DOCK1: variants seen among roughly 807,000 people sequenced by gnomAD.
DOCK1 encodes the protein dedicator of cytokinesis protein 1.
A neutral mutation model predicts 262.7 loss-of-function variants in DOCK1; 138 were observed. The ratio of observed to expected loss-of-function variants is 0.53; its 90% confidence interval spans 0.46 to 0.61. The LOEUF is 0.61. Ranked by LOEUF, DOCK1 falls within the 20% of genes least tolerant of loss-of-function variation. The pLI is 0.00. For synonymous variants in DOCK1, 866 were observed against 867.4 expected (o/e 1.00, Z 0.03); for missense variants, 1,908 against 2,370.7 (o/e 0.80, Z 4.05).
At chr10:127,033,902 T>G (rs1162288580) in intron 18 of DOCK1, among the ~76,000 whole-genome samples, 1 of 152,134 alleles carries the variant, frequency 6.6e-6, no homozygotes, top group East Asian at 1.9e-4. Flanking sequence ...AACTGCTTGG[T>G]GTGGGAGCAG....
At chr10:127,429,094 T>G (rs2069103304) in intron 47 of DOCK1, among the ~76,000 whole-genome samples, 1 of 151,704 alleles carries the variant, frequency 6.6e-6, no homozygotes, top group South Asian at 2.1e-4. Flanking sequence ...TGGGGTGCCG[T>G]GTGGATTGGG....
intron 27 of DOCK1, among the ~76,000 whole-genome samples, chr10:127,189,739 G>A (rs376670830): frequency 4.6e-5 from 7 of 152,152 alleles, no homozygotes; most frequent in East Asian, 3.9e-4. Flanking sequence ...CACACAGTAC[G>A]TTTGCACATG....
intron 22 of DOCK1, among the ~76,000 whole-genome samples, chr10:127,058,287 TATCTTTCCTGTTG>T (rs2045301554): frequency 6.6e-6 from 1 of 152,082 alleles, no homozygotes; most frequent in Non-Finnish European, 1.5e-5. Context: ...ATAATCATGA[TATCTTTCCTGTTG>T]GTCTATTCCT....
At chr10:126,976,291 T>C (rs1332633508) in intron 2 of DOCK1, among the ~76,000 whole-genome samples, 1 of 152,220 alleles carries the variant, frequency 6.6e-6, no homozygotes, top group African/African-American at 2.4e-5. Flanking sequence ...ATTTTGTATC[T>C]GAGGTTCCCC....
Position 127,433,370 on chromosome 10 carries a change from G to A in DOCK1, c.5002G>A (p.Val1668Met). The change falls in exon 48 of 52, where the codon GTG becomes ATG. Residue 1668 changes from valine (V) to methionine (M), a missense_variant. Around this residue, in one of 9 missense-constraint regions of DOCK1, gnomAD observed 383 missense variants for 420.1 expected, o/e 0.91. Coordinates refer to ENST00000623213, the MANE Select transcript of DOCK1 (RefSeq NM_001290223.2). ...TMPSSSRPLS[V>M]ASVSSLSSDS... ...GCCTTCCTCATCCCGCCCTCTGTCT[G>A]TGGCCTCTGTCTCTTCCCTCTCATC... The A allele has an allele frequency of 6.2e-7, 1 of 1,613,988 alleles. No homozygotes were observed. The highest frequency in any genetic ancestry group is 8.5e-7 in the Non-Finnish European group (1 of 1,179,902).
chr10:127,407,187 G>C (rs2067566312), intron 40 of DOCK1, among the ~76,000 whole-genome samples: 1 of 152,148 alleles, frequency 6.6e-6, no homozygotes, highest in African/African-American at 2.4e-5. Flanking sequence ...GAAGGGGACT[G>C]TCTTAGTCCA....
chr10:127,254,919 T>C (rs2059777941), intron 28 of DOCK1, among the ~76,000 whole-genome samples: 1 of 152,180 alleles, frequency 6.6e-6, no homozygotes. Flanking sequence ...AGGATGGACC[T>C]AAGTTGATGG....
chr10:127,236,512 T>TA (rs1387685317), intron 27 of DOCK1, among the ~76,000 whole-genome samples: 1 of 145,048 alleles, frequency 6.9e-6, no homozygotes, highest in Non-Finnish European at 1.5e-5. Flanking sequence ...TTTTTTTTTT[T>TA]TTTTTTTTTT....
chr10:127,097,159 T>G (rs552790227), intron 23 of DOCK1, among the ~76,000 whole-genome samples: 1 of 152,306 alleles, frequency 6.6e-6, no homozygotes, highest in Admixed American at 6.5e-5. Context: ...ATTTCAGCAA[T>G]TAGAAAACTT....
chr10:127,394,353 A>G (rs1401824695), intron 38 of DOCK1, among the ~76,000 whole-genome samples: 4 of 19,474 alleles, frequency 2.1e-4, no homozygotes, highest in East Asian at 8.0e-4. Flanking sequence ...GCACCAATGT[A>G]AAAAAAAAAA....
intron 29 of DOCK1, among the ~76,000 whole-genome samples, chr10:127,261,456 CGTGT>C (rs150701291): frequency 7.0e-5 from 6 of 85,410 alleles, no homozygotes; most frequent in African/African-American, 2.6e-4. Flanking sequence ...CATGTGTGTG[CGTGT>C]GTGTGTGCCT....
intron 29 of DOCK1, among the ~76,000 whole-genome samples, chr10:127,307,719 T>C (rs538467699): frequency 6.6e-6 from 1 of 152,282 alleles, no homozygotes; most frequent in Non-Finnish European, 1.5e-5. Context: ...CCAACCCCAC[T>C]CTGAGTTCAG....
intron 51 of DOCK1, among the ~76,000 whole-genome samples, chr10:127,448,800 T>TG (rs998755636): frequency 2.7e-5 from 1 of 37,148 alleles, no homozygotes; most frequent in African/African-American, 1.1e-4. Flanking sequence ...TGGTGAGACA[T>TG]GGTTTTTTTT....
At chr10:127,241,587 A>G (rs1415410495) in intron 27 of DOCK1, among the ~76,000 whole-genome samples, 1 of 152,026 alleles carries the variant, frequency 6.6e-6, no homozygotes, top group Non-Finnish European at 1.5e-5. Context: ...CATGCTTAGT[A>G]TTAGTGCTTA....
chr10:127,057,894 A>G (rs1245081895), intron 22 of DOCK1, among the ~76,000 whole-genome samples: 1 of 152,234 alleles, frequency 6.6e-6, no homozygotes, highest in African/African-American at 2.4e-5. Flanking sequence ...AGATCCTGTC[A>G]TTCCTTGTTA....
chr10:127,385,039 T>C (rs1173049983), intron 38 of DOCK1, 130 bp downstream of exon 38: 8 of 1,172,436 alleles, frequency 6.8e-6, no homozygotes, highest in Non-Finnish European at 9.0e-6. Flanking sequence ...ATTGAAATGT[T>C]TTATGCATGT....
chr10:127,275,669 C>T (rs987503652), intron 29 of DOCK1, among the ~76,000 whole-genome samples: 16 of 152,030 alleles, frequency 1.1e-4, no homozygotes, highest in Non-Finnish European at 2.1e-4. Context: ...AGGGATGGTA[C>T]AGGAGGGGCT....
At chr10:126,963,502 C>G (rs2037383584) in intron 1 of DOCK1, among the ~76,000 whole-genome samples, 1 of 151,770 alleles carries the variant, frequency 6.6e-6, no homozygotes, top group South Asian at 2.1e-4. Flanking sequence ...CCATTATAAC[C>G]AGGCTCTAAG....
chr10:127,344,057 T>A (rs746263143), intron 31 of DOCK1: 7 of 259,528 alleles, frequency 2.7e-5, no homozygotes, highest in Non-Finnish European at 3.6e-5. Context: ...TGTGGTTGAC[T>A]TTATTGCTTA....
Sources: gnomAD v4.1 joint callset for allele counts (sites outside exome capture counted in the v4.1 genomes callset) on GRCh38, gnomAD v4.1.1 for gene constraint, gnomAD v4.1.1 regional missense constraint, MANE v1.5 for transcripts, NCBI Gene and HGNC (gene_info 2026-07-23, HGNC 2026-07-21) for gene names.